ELAPOR2: variants seen among roughly 807,000 people sequenced by gnomAD.
ELAPOR2 encodes endosome-lysosome associated apoptosis and autophagy regulator family member 2, also known as endosome/lysosome-associated apoptosis and autophagy regulator family member 2.
Under a neutral mutation model 120.7 loss-of-function variants are expected in ELAPOR2, and 89 were observed. The ratio of observed to expected loss-of-function variants is 0.74; its 90% CI spans 0.62 to 0.88. ELAPOR2 has a LOEUF of 0.88. ELAPOR2 is among the 40% of genes least tolerant of loss of function. The pLI is 0.00. For synonymous variants in ELAPOR2, 444 were observed against 444.9 expected (o/e 1.00, Z 0.03); for missense variants, 1,134 against 1,251.6 (o/e 0.91, Z 1.42).
chr7:86,916,375 A>C (rs79437762), intron 12 of ELAPOR2, among the ~76,000 whole-genome samples: 2 of 152,198 alleles, frequency 1.3e-5, no homozygotes, highest in Non-Finnish European at 2.9e-5. Flanking sequence ...CAGCAAAAGG[A>C]AAAATGTCAT....
rs1790090728 is a variant in ELAPOR2 at position 86,926,868 on chromosome 7, G to A, written c.1138C>T (p.Leu380Phe). 1 of 1,511,046 alleles carries A rather than the reference G, an allele frequency of 6.6e-7. No homozygotes were observed. The highest frequency in any genetic ancestry group is 8.9e-7 in the Non-Finnish European group (1 of 1,123,148). The allele number at this position is 1,511,046 out of a possible 1,614,324, so 93.6% of individuals were successfully genotyped here. Reference protein sequence around the residue: ...WIEPKICREDLTDAIRLPPSG... With the variant: ...WIEPKICREDFTDAIRLPPSG... Reference sequence around the variant, plus strand: ...GGGGGCAATCTAATAGCATCTGTGAGATCCTCCCGGCAGATTTTGGGCTCT... The same window carrying A: ...GGGGGCAATCTAATAGCATCTGTGAAATCCTCCCGGCAGATTTTGGGCTCT... The change falls in exon 9 of 22, where the codon CTC becomes TTC. Residue 380 changes from leucine (L) to phenylalanine (F), a missense_variant. By Grantham distance (22) the Leu-to-Phe change is conservative. Coordinates refer to ENST00000450689, the MANE Select transcript of ELAPOR2 (RefSeq NM_001142749.3).
chr7:87,028,337 C>T (rs943843206), intron 1 of ELAPOR2, among the ~76,000 whole-genome samples: 1 of 152,120 alleles, frequency 6.6e-6, no homozygotes, highest in Non-Finnish European at 1.5e-5. Flanking sequence ...GATCTAACAA[C>T]TGTGTTTGAT....
intron 1 of ELAPOR2, among the ~76,000 whole-genome samples, chr7:87,018,196 A>G (rs374639154): frequency 6.6e-6 from 1 of 152,180 alleles, no homozygotes. Context: ...GCCCGCCACC[A>G]TGCCCAGCTA....
At chr7:87,040,881 T>C (rs1002467165) in intron 1 of ELAPOR2, among the ~76,000 whole-genome samples, 1 of 151,944 alleles carries the variant, frequency 6.6e-6, no homozygotes, top group Non-Finnish European at 1.5e-5. Flanking sequence ...TTTAGAAGAA[T>C]GTATAACTAG....
At chr7:86,956,524 G>A (rs1218729693) in intron 2 of ELAPOR2, among the ~76,000 whole-genome samples, 1 of 152,190 alleles carries the variant, frequency 6.6e-6, no homozygotes, top group Non-Finnish European at 1.5e-5. Context: ...TTATCAGCCA[G>A]AAGCTTGATA....
chr7:86,951,964 G>A (rs1221277698), intron 2 of ELAPOR2, among the ~76,000 whole-genome samples: 1 of 152,044 alleles, frequency 6.6e-6, no homozygotes, highest in Non-Finnish European at 1.5e-5. Context: ...CACTATACTT[G>A]GAGGGCCATT....
At chr7:86,897,812 G>A (rs2115903673) in intron 18 of ELAPOR2, among the ~76,000 whole-genome samples, 180 bp from the exon 19 acceptor site, 1 of 152,284 alleles carries the variant, frequency 6.6e-6, no homozygotes, top group Non-Finnish European at 1.5e-5. Context: ...TTTGTACCTA[G>A]TAGGATGGCT....
chr7:86,962,476 T>C (rs1791752675), intron 2 of ELAPOR2, among the ~76,000 whole-genome samples: 1 of 152,184 alleles, frequency 6.6e-6, no homozygotes, highest in Non-Finnish European at 1.5e-5. Flanking sequence ...AGTCAATTGG[T>C]GGGTCCACCA....
At chr7:87,014,296 A>AT (rs1270093817) in intron 1 of ELAPOR2, among the ~76,000 whole-genome samples, 1 of 152,072 alleles carries the variant, frequency 6.6e-6, no homozygotes, top group Non-Finnish European at 1.5e-5. Context: ...AGGCTCTTGT[A>AT]TTTTTTTCTA....
At chr7:86,992,850 G>A (rs896241955) in intron 1 of ELAPOR2, among the ~76,000 whole-genome samples, 27 of 152,126 alleles carry the variant, frequency 1.8e-4, no homozygotes, top group African/African-American at 3.6e-4. Context: ...ATCCTTCATC[G>A]ATTTGAAAAT....
At chr7:86,892,423 C>G (rs1788209514) in intron 20 of ELAPOR2, among the ~76,000 whole-genome samples, 1 of 151,928 alleles carries the variant, frequency 6.6e-6, no homozygotes, top group Admixed American at 6.6e-5. Flanking sequence ...TATAAGAGAT[C>G]AAAATACATT....
chr7:86,918,323 C>CAAA (rs370415220), intron 12 of ELAPOR2, 119 bp downstream of exon 12: 590 of 173,518 alleles, frequency 3.4e-3, no homozygotes, highest in South Asian at 4.0e-3. Flanking sequence ...CTAAGAATAG[C>CAAA]AAAAAAAAAA....
intron 1 of ELAPOR2, among the ~76,000 whole-genome samples, chr7:87,050,626 C>A (rs1016110300): frequency 1.3e-5 from 2 of 152,130 alleles, no homozygotes; most frequent in Admixed American, 6.6e-5. Flanking sequence ...AATGCGAGAA[C>A]GGCCTAATAC....
chr7:86,966,808 C>G (rs1442819084), intron 1 of ELAPOR2, among the ~76,000 whole-genome samples: 2 of 152,132 alleles, frequency 1.3e-5, no homozygotes, highest in East Asian at 3.9e-4. Flanking sequence ...AGAATCCACT[C>G]CTTGACCCTT....
chr7:87,008,473 C>T (rs1281408894), intron 1 of ELAPOR2, among the ~76,000 whole-genome samples: 1 of 152,164 alleles, frequency 6.6e-6, no homozygotes, highest in Non-Finnish European at 1.5e-5. Context: ...CAGAAATATG[C>T]ATCAAAGTAA....
intron 2 of ELAPOR2, among the ~76,000 whole-genome samples, chr7:86,952,968 C>T (rs1791323725): frequency 6.6e-6 from 1 of 151,780 alleles, no homozygotes; most frequent in Admixed American, 6.6e-5. Flanking sequence ...AGGTGGCGCA[C>T]ACCTGTAATC....
At chr7:86,958,313 G>T (rs539640714) in intron 2 of ELAPOR2, among the ~76,000 whole-genome samples, 12 of 152,254 alleles carry the variant, frequency 7.9e-5, no homozygotes, top group Middle Eastern at 6.8e-3. Flanking sequence ...ATGACTAAAT[G>T]AATTGGAATG....
chr7:87,001,092 AC>A (rs1321229895), intron 1 of ELAPOR2, among the ~76,000 whole-genome samples: 1 of 152,126 alleles, frequency 6.6e-6, no homozygotes, highest in African/African-American at 2.4e-5. Flanking sequence ...CATAAAGGAA[AC>A]CTTGGTCCAC....
Position 87,023,993 on chromosome 7 carries a change from C to A in ELAPOR2, c.189+35332G>T, listed in dbSNP as rs1258864877. ...GAGACGATGGGGTTTTCTAGATATA[C>A]AATCATGTCATCCGCAAACAGGGAC... is the stretch of plus-strand genomic sequence containing the variant. On this transcript the variant is annotated intron_variant, in intron 1 of 21. Transcript: ENST00000450689. Among the ~76,000 whole-genome samples, 6 of 152,292 alleles carry A rather than the reference C, an allele frequency of 3.9e-5. No individual in the cohort carries two copies. The South Asian group carries it at 1.0e-3, about 26-fold the overall frequency.
Sources: allele counts gnomAD v4.1 joint callset (sites outside exome capture counted in the v4.1 genomes callset), GRCh38; gene constraint gnomAD v4.1.1; transcripts MANE v1.5; gene names NCBI Gene and HGNC (gene_info 2026-07-23, HGNC 2026-07-21).